DISC1: variants seen among roughly 807,000 people sequenced by gnomAD.
DISC1 encodes the protein DISC1 scaffold protein.
A neutral mutation model predicts 84.5 loss-of-function variants in DISC1; 57 were observed. The ratio of observed to expected loss-of-function variants is 0.67; its 90% confidence interval spans 0.55 to 0.84. The LOEUF is 0.84. Among genes scored for constraint, DISC1 ranks in the 40% least tolerant of loss-of-function variants. DISC1 has a pLI of 0.00. For synonymous variants in DISC1, 411 were observed against 415.2 expected, an observed-to-expected ratio of 0.99 and a Z score of 0.12; for missense variants, 1,000 against 1,057.8, an observed-to-expected ratio of 0.95 and a Z score of 0.76.
At position 231,759,886 on chromosome 1, in the gene DISC1, C is replaced by A. The variant is rs538856430; in HGVS notation, c.1269-7254C>A. On this transcript the variant is annotated intron_variant, in intron 4 of 12. Transcript: ENST00000439617. ...AAGGGAGAAAGGACAAGGGGGGAAA[C>A]TAAGTTGTGAGCCACAGAGGACTTC... is the stretch of plus-strand genomic sequence containing the variant. Among the ~76,000 whole-genome samples the A allele has an allele frequency of 5.9e-3, 905 of 152,224 alleles. 10 individuals carry two copies. The highest frequency in any genetic ancestry group is 0.021 in the African/African-American group (869 of 41,536).
intron 9 of DISC1, among the ~76,000 whole-genome samples, chr1:231,938,828 T>C (rs1230120337): frequency 6.6e-6 from 1 of 152,186 alleles, no homozygotes; most frequent in Non-Finnish European, 1.5e-5. Context: ...CTCACGACTT[T>C]CTTCTGTTAG....
At chr1:231,831,526 G>C (rs1420077511) in intron 9 of DISC1, among the ~76,000 whole-genome samples, 1 of 152,210 alleles carries the variant, frequency 6.6e-6, no homozygotes, top group African/African-American at 2.4e-5. Context: ...AGGGACAGAA[G>C]TTGGAGAGCT....
intron 1 of DISC1, among the ~76,000 whole-genome samples, chr1:231,656,363 T>C (rs1407551778): frequency 2.6e-5 from 4 of 152,204 alleles, no homozygotes; most frequent in African/African-American, 9.6e-5. Flanking sequence ...AATTTATGTT[T>C]GTATATGCTT....
In DISC1 at chr1:231,954,639, C is replaced by T. The variant is rs376477713; in HGVS notation, c.1982-4189C>T. Among the ~76,000 whole-genome samples the T allele has an allele frequency of 6.6e-6, 1 of 152,240 alleles. No individual in the cohort carries two copies. The highest frequency in any genetic ancestry group is 6.5e-5 in the Admixed American group (1 of 15,294). ...GCTTCTTGGAACCTTGCCTTACTAC[C>T]ATTGCCATTCTCATAGGTCCCTGCT... On this transcript the variant is annotated intron_variant, in intron 9 of 12. Transcript: ENST00000439617. The surrounding 1 kb of genome is among the most constrained non-coding windows in gnomAD (Gnocchi z 4.8).
chr1:231,661,383 A>T (rs1301002665), intron 1 of DISC1, among the ~76,000 whole-genome samples: 1 of 152,038 alleles, frequency 6.6e-6, no homozygotes, highest in Non-Finnish European at 1.5e-5. Flanking sequence ...TATCCCAATC[A>T]GTTGGAGGTT....
chr1:231,792,695 C>T (rs770145574), intron 6 of DISC1, among the ~76,000 whole-genome samples: 3 of 152,180 alleles, frequency 2.0e-5, no homozygotes, highest in Non-Finnish European at 4.4e-5. Context: ...AGAACCAGTA[C>T]GGGTCCATGT....
At chr1:231,824,352 T>C (rs2081707742) in intron 9 of DISC1, among the ~76,000 whole-genome samples, 1 of 152,206 alleles carries the variant, frequency 6.6e-6, no homozygotes, top group Non-Finnish European at 1.5e-5. Context: ...TAGGATCTTT[T>C]GGAAGAAATA....
chr1:231,664,145 C>G (rs940453849), intron 1 of DISC1, among the ~76,000 whole-genome samples: 3 of 152,086 alleles, frequency 2.0e-5, no homozygotes, highest in African/African-American at 7.2e-5. Flanking sequence ...CCCTGTTTTT[C>G]AGATGAGGAA....
chr1:231,894,964 T>C (rs917972588), intron 9 of DISC1, among the ~76,000 whole-genome samples: 8 of 151,914 alleles, frequency 5.3e-5, no homozygotes, highest in Non-Finnish European at 8.8e-5. Context: ...GAGCATCCTT[T>C]GTCTTCAAAG....
At chr1:231,992,240 A>G (rs1458536177) in intron 10 of DISC1, among the ~76,000 whole-genome samples, 1 of 152,216 alleles carries the variant, frequency 6.6e-6, no homozygotes, top group African/African-American at 2.4e-5. Context: ...AGCAAACTAT[A>G]CAACTCTCAG....
At chr1:231,648,639 C>G (rs1448109470) in intron 1 of DISC1, among the ~76,000 whole-genome samples, 2 of 152,178 alleles carry the variant, frequency 1.3e-5, no homozygotes, top group African/African-American at 4.8e-5. Context: ...ATGGTACCAG[C>G]TCCTCTTTGT....
chr1:231,774,590 C>T (rs941430946), intron 6 of DISC1: 1 of 417,394 alleles, frequency 2.4e-6, no homozygotes, highest in African/African-American at 2.0e-5. Context: ...GCAGTGTGGG[C>T]TGTGTAGGTG....
chr1:231,735,824 T>C (rs1437468689), intron 3 of DISC1, among the ~76,000 whole-genome samples: 1 of 152,180 alleles, frequency 6.6e-6, no homozygotes, highest in African/African-American at 2.4e-5. Flanking sequence ...TTTAGTTTGA[T>C]TTTTTTGAGT....
intron 6 of DISC1, among the ~76,000 whole-genome samples, chr1:231,782,039 G>A (rs1324269187): frequency 6.6e-6 from 1 of 152,224 alleles, no homozygotes; most frequent in Non-Finnish European, 1.5e-5. Context: ...CCAAAGCAAA[G>A]CCAGACAGAA....
At chr1:231,923,323 AAG>A (rs2090131620) in intron 9 of DISC1, among the ~76,000 whole-genome samples, 2 of 151,512 alleles carry the variant, frequency 1.3e-5, no homozygotes, top group African/African-American at 4.8e-5. Context: ...AAAAAACAAA[AAG>A]AAAAAGAAAT....
At chr1:231,881,775 A>C (rs1010745041) in intron 9 of DISC1, among the ~76,000 whole-genome samples, 3 of 3,330 alleles carry the variant, frequency 9.0e-4, no homozygotes, top group African/African-American at 1.6e-3. Flanking sequence ...AGAGCCAGTG[A>C]AATGTTCTCA....
At chr1:231,878,170 A>T (rs957397844) in intron 9 of DISC1, among the ~76,000 whole-genome samples, 1 of 152,202 alleles carries the variant, frequency 6.6e-6, no homozygotes, top group Non-Finnish European at 1.5e-5. Context: ...GATGAACAAG[A>T]CAGATAGGCA....
intron 11 of DISC1, among the ~76,000 whole-genome samples, chr1:232,018,149 A>G (rs1158131058): frequency 6.6e-6 from 1 of 152,202 alleles, no homozygotes; most frequent in African/African-American, 2.4e-5. Context: ...GGTATTTTCT[A>G]TTCAGAATAG....
At chr1:231,888,792 G>GGCT (rs953356758) in intron 9 of DISC1, among the ~76,000 whole-genome samples, 3 of 151,580 alleles carry the variant, frequency 2.0e-5, no homozygotes, top group African/African-American at 7.3e-5. Context: ...CCATCCACAG[G>GGCT]GCTGCTGCTG....
Sources: allele counts gnomAD v4.1 joint callset (sites outside exome capture counted in the v4.1 genomes callset), GRCh38; gene constraint gnomAD v4.1.1; non-coding constraint Gnocchi (gnomAD v3.1); transcripts MANE v1.5; gene names NCBI Gene and HGNC (gene_info 2026-07-23, HGNC 2026-07-21).